OR9Q1: variants seen among roughly 807,000 people sequenced by gnomAD.
OR9Q1 encodes olfactory receptor 9Q1.
For synonymous variants in OR9Q1, 153 were observed against 148.6 expected (o/e 1.03, Z -0.22); for missense variants, 374 against 378.8 (o/e 0.99, Z 0.11).
chr11:58,034,783 C>G (rs370872282), intron 1 of OR9Q1, among the ~76,000 whole-genome samples: 2 of 16,194 alleles, frequency 1.2e-4, no homozygotes, highest in Admixed American at 1.8e-3. Context: ...CCTTCCCTCC[C>G]TCCTTTCTCC....
At chr11:58,101,056 G>A (rs914463895) in intron 2 of OR9Q1, among the ~76,000 whole-genome samples, 1 of 151,500 alleles carries the variant, frequency 6.6e-6, no homozygotes, top group Non-Finnish European at 1.5e-5. Context: ...TTGGTTAATG[G>A]GTACAAAAAT....
intron 2 of OR9Q1, among the ~76,000 whole-genome samples, chr11:58,142,798 G>C (rs1469763433): frequency 6.6e-6 from 1 of 152,084 alleles, no homozygotes; most frequent in Non-Finnish European, 1.5e-5. Flanking sequence ...TCAGTGTGCT[G>C]GCTTTGTCTG....
At chr11:58,165,644 G>C (rs1272285159) in intron 2 of OR9Q1, among the ~76,000 whole-genome samples, 1 of 152,164 alleles carries the variant, frequency 6.6e-6, no homozygotes, top group Non-Finnish European at 1.5e-5. Context: ...GCTCCCTGCT[G>C]TTTCCTGCAC....
chr11:58,178,127 A>T (rs1854622673), intron 2 of OR9Q1, among the ~76,000 whole-genome samples: 1 of 152,164 alleles, frequency 6.6e-6, no homozygotes, highest in Admixed American at 6.5e-5. Flanking sequence ...CAAGAAAGGA[A>T]CATGAAGAAA....
chr11:58,027,636 G>A (rs757508313), intron 1 of OR9Q1, among the ~76,000 whole-genome samples: 2 of 152,112 alleles, frequency 1.3e-5, no homozygotes, highest in Non-Finnish European at 2.9e-5. Flanking sequence ...GATCCTGCCA[G>A]CTGTTGGCTC....
At position 58,153,491 on chromosome 11, in the gene OR9Q1, G is replaced by A. The variant is rs542106617; in HGVS notation, c.-14-25940G>A. ...AGGATAATTCAATAGGGAAGGGTGGGTCATGCTCTATAGGAGCAATGACCT... is the reference window on the plus strand; with the variant it reads ...AGGATAATTCAATAGGGAAGGGTGGATCATGCTCTATAGGAGCAATGACCT... On this transcript the variant is annotated intron_variant, in intron 2 of 2. Transcript: ENST00000335397. Among the ~76,000 whole-genome samples, 11 of 152,102 alleles carry A rather than the reference G, an allele frequency of 7.2e-5. No homozygotes were observed. The South Asian group carries it at 2.3e-3, about 32-fold the overall frequency.
intron 2 of OR9Q1, among the ~76,000 whole-genome samples, chr11:58,101,299 A>C (rs1031391253): frequency 6.6e-6 from 1 of 151,952 alleles, no homozygotes; most frequent in Non-Finnish European, 1.5e-5. Flanking sequence ...GCCAACATTT[A>C]TTGTTTTTTG....
chr11:58,158,010 GT>G (rs886928258), intron 2 of OR9Q1, among the ~76,000 whole-genome samples: 6 of 152,256 alleles, frequency 3.9e-5, no homozygotes, highest in South Asian at 2.1e-4. Flanking sequence ...CAGAGTGAGA[GT>G]TTTTTTGTAA....
At position 58,180,551 on chromosome 11, in the gene OR9Q1, C is replaced by T; in HGVS notation, c.*174C>T. Reference sequence around the variant, plus strand: ...AGGAAGGAAGACAAGGAAAAGTCAACCTGAAAAGAGATTGGAGTGGGAGTT... The same window carrying T: ...AGGAAGGAAGACAAGGAAAAGTCAATCTGAAAAGAGATTGGAGTGGGAGTT... On this transcript the variant is annotated 3_prime_UTR_variant, in exon 3 of 3. Transcript: ENST00000335397. 2.2e-6 allele frequency: 1 copy of T among 458,096 alleles called. No homozygotes were observed. The highest frequency in any genetic ancestry group is 4.0e-6 in the Non-Finnish European group (1 of 253,142). The allele number at this position is 458,096 out of a possible 1,614,324, so 28.4% of individuals were successfully genotyped here. A position where few individuals can be genotyped will look rare whatever the true frequency, so the allele number is the denominator to read the frequency against.
In OR9Q1 at chr11:58,152,255, ATTTAT is replaced by A. The variant is rs536823898; in HGVS notation, c.-14-27166_-14-27162del. ...ACTAATGAAATGGCAGAATCAGAACATTTATTTTATTTTAAAGCTTTATTTATAAT... is the reference window on the plus strand; with the variant it reads ...ACTAATGAAATGGCAGAATCAGAACATTTATTTTAAAGCTTTATTTATAAT... On this transcript the variant is annotated intron_variant, in intron 2 of 2. Transcript: ENST00000335397. 3.3e-5 allele frequency among the ~76,000 whole-genome samples: 5 copies of A among 152,322 alleles called. No individual in the cohort carries two copies. In the East Asian group the frequency reaches 5.8e-4, roughly 18 times the overall value.
At chr11:58,129,861 T>G (rs1854124529) in intron 2 of OR9Q1, among the ~76,000 whole-genome samples, 2 of 152,178 alleles carry the variant, frequency 1.3e-5, no homozygotes, top group African/African-American at 2.4e-5. Flanking sequence ...TTTTTTCTGT[T>G]TTTTTCAAAT....
chr11:58,124,940 G>T (rs1854074129), intron 2 of OR9Q1, among the ~76,000 whole-genome samples: 1 of 152,040 alleles, frequency 6.6e-6, no homozygotes, highest in Non-Finnish European at 1.5e-5. Context: ...ATTTTGTCCT[G>T]GAAGAGACTA....
intron 2 of OR9Q1, among the ~76,000 whole-genome samples, chr11:58,089,172 C>T (rs1441655013): frequency 2.6e-5 from 4 of 151,600 alleles, no homozygotes; most frequent in African/African-American, 9.7e-5. Context: ...GCCACCATGC[C>T]CAGCCGTTGC....
rs185347418 is a variant in OR9Q1, at chr11:58,090,008, C to T, written c.-15+34061C>T. 3.0e-3 allele frequency among the ~76,000 whole-genome samples: 451 copies of T among 152,226 alleles called. 3 individuals carry two copies. Among genetic ancestry groups the T allele is most frequent in the Non-Finnish European group, 2.9e-3 (200 of 68,024 alleles). ...TGCACATTGATTTTGTATCCCGAGA[C>T]TTTGCTGAAGTTACTTATCAGCTTA... On this transcript the variant is annotated intron_variant, in intron 2 of 2. Transcript: ENST00000335397.
chr11:58,118,380 T>A (rs1365777014), intron 2 of OR9Q1: 15 of 673,686 alleles, frequency 2.2e-5, no homozygotes, highest in Non-Finnish European at 3.8e-5. Flanking sequence ...GTGTGCCTGG[T>A]GGTACCTATC....
In OR9Q1 at chr11:58,180,326, G is replaced by T. The variant is rs773866039; in HGVS notation, c.882G>T (p.Lys294Asn). Residue 294 changes from lysine (K) to asparagine (N), a missense_variant, in exon 3 of 3, where the codon AAG (lysine) becomes AAT (asparagine). Transcript: ENST00000335397. Reference sequence around the variant, plus strand: ...CCCTCATCTACAGCCTGAGGAACAAGGAAGTGAAGGAGGCCCTGAGAAAAA... The same window carrying T: ...CCCTCATCTACAGCCTGAGGAACAATGAAGTGAAGGAGGCCCTGAGAAAAA... ...LNPLIYSLRNKEVKEALRKIL... is the reference protein window; with the variant it reads ...LNPLIYSLRNNEVKEALRKIL... 1 of 1,606,520 alleles carries T rather than the reference G, an allele frequency of 6.2e-7. No homozygotes were observed. The highest frequency in any genetic ancestry group is 1.7e-5 in the Admixed American group (1 of 59,248).
chr11:58,163,776 A>T (rs1349921145), intron 2 of OR9Q1, among the ~76,000 whole-genome samples: 1 of 152,166 alleles, frequency 6.6e-6, no homozygotes. Flanking sequence ...CTCCCAGGAC[A>T]CAGCTGGCGA....
Position 58,123,257 on chromosome 11 carries a change from A to G in OR9Q1, c.-14-56174A>G, listed in dbSNP as rs1055131100. Among the ~76,000 whole-genome samples, 3 of 152,194 alleles carry G rather than the reference A, an allele frequency of 2.0e-5. No individual in the cohort carries two copies. The South Asian group carries it at 6.2e-4, about 32-fold the overall frequency. On this transcript the variant is annotated intron_variant, in intron 2 of 2. Coordinates refer to ENST00000335397, the MANE Select transcript of OR9Q1 (RefSeq NM_001005212.4). ...TCTCCCTCCATTTTCCTATATCTTT[A>G]TAATCTATGGAAACAAAGAAATCTC... is the stretch of plus-strand genomic sequence containing the variant.
intron 2 of OR9Q1, among the ~76,000 whole-genome samples, chr11:58,126,322 G>A (rs373543336): frequency 2.0e-5 from 3 of 152,124 alleles, no homozygotes; most frequent in African/African-American, 7.2e-5. Flanking sequence ...TGGGTTCCTG[G>A]AGAACCTATC....
Sources: allele counts gnomAD v4.1 joint callset (sites outside exome capture counted in the v4.1 genomes callset), GRCh38; gene constraint gnomAD v4.1.1; transcripts MANE v1.5; gene names NCBI Gene and HGNC (gene_info 2026-07-23, HGNC 2026-07-21).